The following C14orf93 variants were observed in gnomAD, a reference collection of about 807,000 sequenced individuals.
C14orf93 encodes uncharacterized protein C14orf93.
C14orf93 carries 23 observed loss-of-function variants against 44.0 expected under a neutral mutation model. That is an observed-to-expected ratio of 0.52 (90% CI 0.38 to 0.74). C14orf93 has a LOEUF of 0.74. Ranked by LOEUF, C14orf93 falls within the 30% of genes least tolerant of loss-of-function variation. The probability of loss-of-function intolerance (pLI) is 0.00; values close to 1 mark genes in which losing one functional copy is unlikely to be tolerated. For missense variants in C14orf93, 579 were observed against 678.9 expected, an observed-to-expected ratio of 0.85 and a Z score of 1.64; for synonymous variants, 253 against 265.7, an observed-to-expected ratio of 0.95 and a Z score of 0.46.
chr14:22,991,718 A>AC (rs2045646221), intron 3 of C14orf93, among the ~76,000 whole-genome samples: 1 of 151,052 alleles, frequency 6.6e-6, no homozygotes, highest in Non-Finnish European at 1.5e-5. Flanking sequence ...CTACAGGTGC[A>AC]CCACCACCAC....
Position 22,999,152 on chromosome 14 carries a change from A to G in C14orf93, c.-129T>C, listed in dbSNP as rs1399096057. The stretch of plus-strand genomic sequence containing the variant: ...CAGAGGAGCCCAGGCCCCAAGCTGT[A>G]GGGTCTGTGAAAGAAGAGTAAACAA... On this transcript the variant is annotated 5_prime_UTR_variant, in exon 2 of 7. Coordinates refer to ENST00000299088, the MANE Select transcript of C14orf93 (RefSeq NM_021944.4). 3.5e-6 allele frequency: 5 copies of G among 1,410,072 alleles called. No homozygotes were observed. The highest frequency in any genetic ancestry group is 4.7e-6 in the Non-Finnish European group (5 of 1,062,764). 87.3% of individuals were successfully genotyped at this position (1,410,072 alleles called of 1,614,324 possible).
At chr14:23,005,317 G>A (rs959343483) in intron 1 of C14orf93, 15 of 152,276 alleles carry the variant, frequency 9.9e-5, no homozygotes, top group African/African-American at 3.1e-4. Context: ...ACCACCACCA[G>A]AATGACAGAA....
chr14:22,990,573 G>A lies in C14orf93; in HGVS notation c.919-446C>T, dbSNP rs1566671086. Among the ~76,000 whole-genome samples, 4 of 147,488 alleles carry A rather than the reference G, an allele frequency of 2.7e-5. No individual in the cohort carries two copies. The South Asian group carries it at 6.6e-4, about 25-fold the overall frequency. On this transcript the variant is annotated intron_variant, in intron 3 of 6. Transcript: ENST00000299088. ...CAACCTCTGCCTCCCGGGTTCAAGCGATTCTCCCGCCTCAGCCTCTCGAGT... is the reference window on the plus strand; with the variant it reads ...CAACCTCTGCCTCCCGGGTTCAAGCAATTCTCCCGCCTCAGCCTCTCGAGT...
Position 22,998,465 on chromosome 14 carries a change from T to G in C14orf93, c.559A>C (p.Thr187Pro). 2 of 1,603,814 alleles carry G rather than the reference T, an allele frequency of 1.2e-6. No homozygotes were observed. The highest frequency in any genetic ancestry group is 2.2e-5 in the South Asian group (2 of 90,100). Residue 187 changes from threonine (T) to proline (P), a missense_variant, in exon 2 of 7, where the codon ACG (threonine) becomes CCG (proline). Thr to Pro is a conservative substitution (Grantham distance 38, BLOSUM62 -1). Transcript: ENST00000299088. Reference protein sequence around the residue: ...TQRDMRLPGCTLAASEAAPLL... With the variant: ...TQRDMRLPGCPLAASEAAPLL... ...GGGGCCGCCTCGCTGGCAGCCAGCGTGCACCCTGGGAGCCGCATGTCCCTC... is the reference window on the plus strand; with the variant it reads ...GGGGCCGCCTCGCTGGCAGCCAGCGGGCACCCTGGGAGCCGCATGTCCCTC...
chr14:22,996,086 C>G lies in C14orf93; in HGVS notation c.780G>C (p.Ala260=). 6.2e-7 allele frequency: 1 copy of G among 1,614,110 alleles called. No homozygotes were observed. Among genetic ancestry groups the G allele is most frequent in the Non-Finnish European group, 8.5e-7 (1 of 1,180,022 alleles). The part of the protein sequence containing the change: ...RPEDMLNAAA[A]LDSALEESGP... ...CTGACTCTTCCAAGGCACTGTCCAG[C>G]GCAGCAGCGGCATTGAGCATGTCCT... is the stretch of plus-strand genomic sequence containing the variant. The change falls in exon 3 of 7, where the codon GCG becomes GCC. Residue 260 remains alanine (A), a synonymous_variant. Transcript: ENST00000299088. The surrounding 1 kb of genome is among the most constrained non-coding windows in gnomAD (Gnocchi z 4.1).
intron 3 of C14orf93, chr14:22,994,058 T>C (rs2045820853): frequency 1.3e-5 from 2 of 152,224 alleles, no homozygotes; most frequent in Admixed American, 6.5e-5. Flanking sequence ...AGGTCTTCAG[T>C]TCCACCACAC....
At chr14:23,004,188 G>A (rs552118463) in intron 1 of C14orf93, among the ~76,000 whole-genome samples, 16 of 148,840 alleles carry the variant, frequency 1.1e-4, no homozygotes, top group African/African-American at 3.0e-4. Flanking sequence ...GATTACAGGC[G>A]TGAGCCATCG....
chr14:23,004,567 T>A (rs560426931), intron 1 of C14orf93, among the ~76,000 whole-genome samples: 1 of 152,296 alleles, frequency 6.6e-6, no homozygotes, highest in South Asian at 2.1e-4. Flanking sequence ...GCACTTAAAG[T>A]GTATTTCAGA....
intron 5 of C14orf93, 117 bp from the exon 6 acceptor site, chr14:22,988,132 G>T: frequency 1.6e-6 from 1 of 614,732 alleles, no homozygotes; most frequent in Non-Finnish European, 2.8e-6. Flanking sequence ...CTTAGATGAG[G>T]GCTTTTTTTT....
rs1377465900 is a variant in C14orf93 at position 22,994,885 on chromosome 14, C to G, written c.918+1063G>C. Reference sequence around the variant, plus strand: ...GTCGTGTGCACTGCAGGATGTTTAGCAGAACACCCACTAGATGTCAGTAGC... The same window carrying G: ...GTCGTGTGCACTGCAGGATGTTTAGGAGAACACCCACTAGATGTCAGTAGC... On this transcript the variant is annotated intron_variant, in intron 3 of 6. Coordinates refer to ENST00000299088, the MANE Select transcript of C14orf93 (RefSeq NM_021944.4). 2.0e-5 allele frequency among the ~76,000 whole-genome samples: 3 copies of G among 152,124 alleles called. No individual in the cohort carries two copies. The East Asian group carries it at 5.8e-4, about 29-fold the overall frequency.
intron 1 of C14orf93, among the ~76,000 whole-genome samples, chr14:23,004,105 T>A (rs1280543982): frequency 6.7e-6 from 1 of 149,534 alleles, no homozygotes; most frequent in Non-Finnish European, 1.5e-5. Context: ...AGATAGGGTT[T>A]CACCATATTG....
chr14:22,995,953 G>A lies in C14orf93; in HGVS notation c.913C>T (p.Leu305Phe). 1 of 1,592,148 alleles carries A rather than the reference G, an allele frequency of 6.3e-7. No homozygotes were observed. The highest frequency in any genetic ancestry group is 8.6e-7 in the Non-Finnish European group (1 of 1,166,044). ...KNSRRKRDLVLSKLVHNVHNH... is the reference protein window; with the variant it reads ...KNSRRKRDLVFSKLVHNVHNH... ...TAGAAACTGAGCTCACTCACAGAGA[G>A]TACAAGATCCCGCTTGCGCCTGGAG... Residue 305 changes from leucine (L) to phenylalanine (F), a missense_variant, in exon 3 of 7, where the codon CTC becomes TTC. Transcript: ENST00000299088.
Position 22,985,984 on chromosome 14 carries a change from A to G in C14orf93, c.*1231T>C, listed in dbSNP as rs2045214408. Reference sequence around the variant, plus strand: ...TGATTTCTCACTGCCCTTGGGTTGAAGTCTGTACTCTGTATTATGAGGTCT... The same window carrying G: ...TGATTTCTCACTGCCCTTGGGTTGAGGTCTGTACTCTGTATTATGAGGTCT... On this transcript the variant is annotated 3_prime_UTR_variant, in exon 7 of 7. Coordinates refer to ENST00000299088, the MANE Select transcript of C14orf93 (RefSeq NM_021944.4). 6.6e-6 allele frequency: 1 copy of G among 152,188 alleles called. No homozygotes were observed. The highest frequency in any genetic ancestry group is 1.5e-5 in the Non-Finnish European group (1 of 68,036). The allele number at this position is 152,188 out of a possible 1,614,324, so 9.4% of individuals were successfully genotyped here. A position where few individuals can be genotyped will look rare whatever the true frequency, so the allele number is the denominator to read the frequency against.
At chr14:23,007,524 C>T (rs1009694619) in intron 1 of C14orf93, among the ~76,000 whole-genome samples, 4 of 152,176 alleles carry the variant, frequency 2.6e-5, no homozygotes, top group African/African-American at 7.2e-5. Context: ...AGCAGCTCCT[C>T]ACAGTTCAAA....
chr14:22,987,138 T>G lies in C14orf93; in HGVS notation c.*77A>C. ...TCAGACTGCACAGAGCATCTCATTA[T>G]TTTGTGAAGCCCCATGGCCACCTAT... On this transcript the variant is annotated 3_prime_UTR_variant, in exon 7 of 7. Transcript: ENST00000299088. This position sits in a 1 kb window ranked among gnomAD's most constrained non-coding sequence, Gnocchi z 5.6. The G allele has an allele frequency of 7.0e-7, 1 of 1,425,090 alleles. No homozygotes were observed. Among genetic ancestry groups the G allele is most frequent in the Non-Finnish European group, 9.4e-7 (1 of 1,059,506 alleles). 88.3% of individuals were successfully genotyped at this position (1,425,090 alleles called of 1,614,324 possible).
chr14:23,003,900 T>TATA (rs2046481278), intron 1 of C14orf93, among the ~76,000 whole-genome samples: 3 of 25,600 alleles, frequency 1.2e-4, no homozygotes, highest in Non-Finnish European at 2.0e-4. Context: ...ATATATATAT[T>TATA]TTTTTTTTTT....
intron 5 of C14orf93, 52 bp downstream of exon 5, chr14:22,989,689 TG>T: frequency 8.3e-7 from 1 of 1,211,022 alleles, no homozygotes; most frequent in Non-Finnish European, 1.2e-6. Context: ...GAAAGAGGAG[TG>T]GGAGGAGAGG....
At chr14:23,007,467 T>C (rs541590542) in intron 1 of C14orf93, among the ~76,000 whole-genome samples, 1 of 152,328 alleles carries the variant, frequency 6.6e-6, no homozygotes, top group South Asian at 2.1e-4. Context: ...CGACTTTTAG[T>C]TACTGCTGGC....
Position 22,997,460 on chromosome 14 carries a change from G to A in C14orf93, c.597+967C>T, listed in dbSNP as rs144157617. On this transcript the variant is annotated intron_variant, in intron 2 of 6. Coordinates refer to ENST00000299088, the MANE Select transcript of C14orf93 (RefSeq NM_021944.4). Reference sequence around the variant, plus strand: ...AAAAGAGAGGACAGACGGAGAATAAGGTGGAGAGCTGACAGAACTCCAACC... The same window carrying A: ...AAAAGAGAGGACAGACGGAGAATAAAGTGGAGAGCTGACAGAACTCCAACC... Among the ~76,000 whole-genome samples, 4 of 152,282 alleles carry A rather than the reference G, an allele frequency of 2.6e-5. No homozygotes were observed. In the East Asian group the frequency reaches 7.7e-4, roughly 29 times the overall value.
Sources: gnomAD v4.1 joint callset for allele counts (sites outside exome capture counted in the v4.1 genomes callset) on GRCh38, gnomAD v4.1.1 for gene constraint, Gnocchi (gnomAD v3.1) non-coding constraint, MANE v1.5 for transcripts, NCBI Gene and HGNC (gene_info 2026-07-23, HGNC 2026-07-21) for gene names.